The following UNC13C variants were observed in gnomAD, a reference collection of about 807,000 sequenced individuals.
The protein encoded by UNC13C is protein unc-13 homolog C.
UNC13C carries 174 observed loss-of-function variants against 245.4 expected under a neutral mutation model. That is an observed-to-expected ratio of 0.71 (90% CI 0.63 to 0.80). The LOEUF (loss-of-function observed/expected upper bound fraction) is 0.80. Ranked by LOEUF, UNC13C falls within the 30% of genes least tolerant of loss-of-function variation. The probability of loss-of-function intolerance (pLI) is 0.00; values close to 1 mark genes in which losing one functional copy is unlikely to be tolerated. For synonymous variants in UNC13C, 992 were observed against 895.1 expected (o/e 1.11, Z -1.93); for missense variants, 2,829 against 2,602.9 (o/e 1.09, Z -1.89).
rs140677327 is a variant in UNC13C, at chr15:54,628,413, A to AAGTAT, written c.*1304_*1305insTAGTA. 1 of 59,454 alleles carries AAGTAT rather than the reference A, an allele frequency of 1.7e-5. No homozygotes were observed. Among genetic ancestry groups the AAGTAT allele is most frequent in the Non-Finnish European group, 6.6e-5 (1 of 15,044 alleles). The allele number at this position is 59,454 out of a possible 1,614,324, so 3.7% of individuals were successfully genotyped here. A position where few individuals can be genotyped will look rare whatever the true frequency, so the allele number is the denominator to read the frequency against. On this transcript the variant is annotated 3_prime_UTR_variant, in exon 33 of 33. Transcript: ENST00000260323. ...TGTGAACAAGCTGATCTAATACGTT[A>AAGTAT]AGTACAGAAGTGCTTAGTATCATGA...
At chr15:54,489,029 T>G (rs1347211167) in intron 19 of UNC13C, among the ~76,000 whole-genome samples, 1 of 152,166 alleles carries the variant, frequency 6.6e-6, no homozygotes, top group Non-Finnish European at 1.5e-5. Context: ...ATTTTTGAAT[T>G]TGATATGACA....
chr15:54,137,721 G>C (rs903029512), intron 2 of UNC13C, among the ~76,000 whole-genome samples: 5 of 151,416 alleles, frequency 3.3e-5, no homozygotes, highest in African/African-American at 1.2e-4. Context: ...TTATTTTCTT[G>C]GTGAGTCTAG....
intron 19 of UNC13C, among the ~76,000 whole-genome samples, chr15:54,470,880 T>A (rs1343292797): frequency 6.6e-6 from 1 of 151,438 alleles, no homozygotes; most frequent in Non-Finnish European, 1.5e-5. Flanking sequence ...AGGCATTTAT[T>A]GCTATATATT....
chr15:54,393,254 C>A, intron 18 of UNC13C, 73 bp downstream of exon 18: 3 of 1,250,946 alleles, frequency 2.4e-6, no homozygotes, highest in South Asian at 4.8e-5. Flanking sequence ...TTAAGCGCAA[C>A]ATATACTGAC....
intron 2 of UNC13C, chr15:54,049,124 G>A (rs766866379): frequency 5.5e-4 from 207 of 375,156 alleles, no homozygotes; most frequent in Non-Finnish European, 8.3e-4. Context: ...CAATTTTCAA[G>A]ATTGCATCCT....
intron 29 of UNC13C, among the ~76,000 whole-genome samples, chr15:54,560,576 C>A (rs191649111): frequency 6.6e-6 from 1 of 151,930 alleles, no homozygotes; most frequent in African/African-American, 2.4e-5. Flanking sequence ...CCTACCCCCG[C>A]GGTGATAATA....
At chr15:54,177,728 T>G (rs942833465) in intron 4 of UNC13C, among the ~76,000 whole-genome samples, 1 of 152,112 alleles carries the variant, frequency 6.6e-6, no homozygotes, top group African/African-American at 2.4e-5. Context: ...CTCAGTCTCC[T>G]GTTGTTATAT....
intron 4 of UNC13C, among the ~76,000 whole-genome samples, chr15:54,183,172 G>A (rs1411258895): frequency 1.3e-5 from 2 of 151,478 alleles, no homozygotes; most frequent in Non-Finnish European, 3.0e-5. Flanking sequence ...ATATCAAGTA[G>A]TAATACATAT....
At chr15:54,300,507 C>A in intron 13 of UNC13C, 134 bp downstream of exon 13, 2 of 850,742 alleles carry the variant, frequency 2.4e-6, no homozygotes, top group Non-Finnish European at 3.5e-6. Flanking sequence ...ATGTTTGATG[C>A]TGACTACTCT....
chr15:54,464,603 G>A (rs368303497), intron 19 of UNC13C, among the ~76,000 whole-genome samples: 1 of 151,924 alleles, frequency 6.6e-6, no homozygotes, highest in Non-Finnish European at 1.5e-5. Context: ...ACAAGGAAAA[G>A]GACTCATCTT....
At chr15:54,007,512 A>G (rs1895193678) in intron 1 of UNC13C, among the ~76,000 whole-genome samples, 1 of 152,194 alleles carries the variant, frequency 6.6e-6, no homozygotes, top group Non-Finnish European at 1.5e-5. Context: ...ATGCAGGAAC[A>G]GAAAACCAAA....
downstream of UNC13C, chr15:54,632,846 TCTA>T (rs1381487784): frequency 2.6e-5 from 4 of 152,158 alleles, no homozygotes; most frequent in African/African-American, 7.2e-5. Context: ...AGTGGAGTAT[TCTA>T]CTACTTCTCA....
chr15:53,940,134 C>G, the UNC13C span, among the ~76,000 whole-genome samples: 14 of 152,160 alleles, frequency 9.2e-5, no homozygotes, highest in African/African-American at 3.4e-4. Flanking sequence ...AGTCTGTTGG[C>G]TTCACCATGG....
At chr15:54,505,782 G>A (rs984116075) in intron 22 of UNC13C, among the ~76,000 whole-genome samples, 5 of 129,704 alleles carry the variant, frequency 3.9e-5, no homozygotes, top group African/African-American at 1.2e-4. Flanking sequence ...TCGCTCTGTC[G>A]CCCAGGCTGG....
At chr15:54,327,691 G>A (rs186994024) in intron 14 of UNC13C, among the ~76,000 whole-genome samples, 7 of 152,144 alleles carry the variant, frequency 4.6e-5, no homozygotes, top group Non-Finnish European at 2.9e-5. Context: ...GATGATAGTG[G>A]GGAGGTTGAT....
chr15:54,413,926 A>G (rs1372790370), intron 18 of UNC13C, among the ~76,000 whole-genome samples: 1 of 152,224 alleles, frequency 6.6e-6, no homozygotes, highest in Non-Finnish European at 1.5e-5. Context: ...AAATACTTCT[A>G]GTCTTACATT....
At chr15:54,465,863 C>T (rs1470812556) in intron 19 of UNC13C, among the ~76,000 whole-genome samples, 4 of 151,890 alleles carry the variant, frequency 2.6e-5, no homozygotes, top group Admixed American at 6.6e-5. Context: ...AGTTATTTTC[C>T]GCTAAAGCCT....
chr15:54,325,704 A>G (rs1436405320), intron 14 of UNC13C, among the ~76,000 whole-genome samples: 2 of 152,038 alleles, frequency 1.3e-5, no homozygotes, highest in African/African-American at 4.8e-5. Flanking sequence ...AATGATGTCT[A>G]AAATTTTTTA....
chr15:53,968,920 G>A, the UNC13C span, among the ~76,000 whole-genome samples: 2,175 of 151,940 alleles, frequency 0.014, 25 homozygotes, highest in Middle Eastern at 0.024. Context: ...TCTAGAGAGG[G>A]CAGGTACTCT....
Sources: allele counts gnomAD v4.1 joint callset (sites outside exome capture counted in the v4.1 genomes callset), GRCh38; gene constraint gnomAD v4.1.1; transcripts MANE v1.5; gene names NCBI Gene and HGNC (gene_info 2026-07-23, HGNC 2026-07-21).